The following SGCA variants were observed in gnomAD, a reference collection of about 807,000 sequenced individuals.
SGCA encodes the protein sarcoglycan alpha.
Under a neutral mutation model 38.1 loss-of-function variants are expected in SGCA, and 34 were observed. That is an observed-to-expected ratio of 0.89 (90% confidence interval 0.68 to 1.19). The LOEUF is 1.19. Among genes scored for constraint, SGCA ranks in the 50% most tolerant of loss-of-function variants. The pLI is 0.00. For missense variants in SGCA, 476 were observed against 524.9 expected, an observed-to-expected ratio of 0.91 and a Z score of 0.91; for synonymous variants, 209 against 214.6, an observed-to-expected ratio of 0.97 and a Z score of 0.23.
chr17:50,167,029 A>AC lies in SGCA; in HGVS notation c.38-332dup, dbSNP rs1163084157. Among the ~76,000 whole-genome samples, 10 of 102,742 alleles carry AC rather than the reference A, an allele frequency of 9.7e-5. No homozygotes were observed. Among genetic ancestry groups the AC allele is most frequent in the South Asian group, 3.4e-4 (1 of 2,920 alleles). The allele number at this position is 102,742 out of a possible 152,430, so 67.4% of individuals were successfully genotyped here. A position where few individuals can be genotyped will look rare whatever the true frequency, so the allele number is the denominator to read the frequency against. ...CCCTCACACATACCTTCACACACAC[A>AC]CCCCCCCACATCCCCTCACACACAC... is the stretch of plus-strand genomic sequence containing the variant. On this transcript the variant is annotated intron_variant, in intron 1 of 9. Coordinates refer to ENST00000262018, the MANE Select transcript of SGCA (RefSeq NM_000023.4). The surrounding 1 kb of genome is among the most constrained non-coding windows in gnomAD (Gnocchi z 4.5).
chr17:50,170,180 C>T lies in SGCA; in HGVS notation c.785C>T (p.Pro262Leu). The T allele has an allele frequency of 1.2e-6, 2 of 1,614,144 alleles. No homozygotes were observed. Among genetic ancestry groups the T allele is most frequent in the African/African-American group, 1.3e-5 (1 of 75,018 alleles). The change falls in exon 7 of 10, where the codon CCC becomes CTC. Residue 262 changes from proline to leucine, a missense_variant. Physicochemically the swap from Pro to Leu is moderately conservative, Grantham distance 98. Transcript: ENST00000262018. ...KSVPEPADEV[P>L]TPGDGILEHD... ...GTGCCGGAGCCTGCAGATGAGGTGC[C>T]CACCCCAGGTGATGGGATCCTGGAG...
At chr17:50,173,127 C>A (rs962465691) in intron 8 of SGCA, among the ~76,000 whole-genome samples, 1 of 152,230 alleles carries the variant, frequency 6.6e-6, no homozygotes, top group African/African-American at 2.4e-5. Flanking sequence ...AATCAATAAC[C>A]GTTTTACCAT....
chr17:50,172,333 G>A, intron 8 of SGCA: 1 of 451,406 alleles, frequency 2.2e-6, no homozygotes, highest in South Asian at 1.6e-5. Context: ...TTTCCTCCGG[G>A]GAGGGGTGGA....
rs954648869 is a variant in SGCA at position 50,175,607 on chromosome 17, G to A, written c.*13-105G>A. 5 of 728,908 alleles carry A rather than the reference G, an allele frequency of 6.9e-6. No homozygotes were observed. The Admixed American group carries it at 8.0e-5, about 12-fold the overall frequency. 45.2% of individuals were successfully genotyped at this position (728,908 alleles called of 1,614,324 possible). On this transcript the variant is annotated intron_variant, in intron 9 of 9. Transcript: ENST00000262018. ...CTGCTGGGGGTCCTCACCAGTGCCA[G>A]GGCTATGACCCCAATGCCAAGCACT... is the stretch of plus-strand genomic sequence containing the variant.
chr17:50,170,016 C>A (rs1905241410), intron 6 of SGCA, 127 bp from the exon 7 acceptor site: 1 of 772,528 alleles, frequency 1.3e-6, no homozygotes, highest in African/African-American at 1.7e-5. Context: ...GTGCGCTAAC[C>A]AGTGCACTGT....
intron 5 of SGCA, 73 bp from the exon 6 acceptor site, chr17:50,169,019 A>G (rs1905154939): frequency 6.9e-7 from 1 of 1,440,876 alleles, no homozygotes; most frequent in Non-Finnish European, 9.7e-7. Flanking sequence ...GAAAGTTTCA[A>G]CAACCCCTGG....
At chr17:50,171,845 C>T (rs1006687379) in intron 8 of SGCA, 8 of 456,644 alleles carry the variant, frequency 1.8e-5, no homozygotes, top group Non-Finnish European at 3.5e-5. Flanking sequence ...CTTGCAGGTC[C>T]CCTTGTCCGC....
intron 8 of SGCA, 30 bp from the exon 9 acceptor site, chr17:50,175,227 G>C: frequency 6.3e-7 from 1 of 1,577,154 alleles, no homozygotes. Flanking sequence ...CTGACTCCCA[G>C]AGCTGATGAC....
Position 50,166,781 on chromosome 17 carries a change from C to T in SGCA, c.38-587C>T, listed in dbSNP as rs1191697696. On this transcript the variant is annotated intron_variant, in intron 1 of 9. Transcript: ENST00000262018. ...CCCTCACACACACACCCTCACACACCCTCACACACCCTCACACACACACCC... is the reference window on the plus strand; with the variant it reads ...CCCTCACACACACACCCTCACACACTCTCACACACCCTCACACACACACCC... 1.6e-4 allele frequency among the ~76,000 whole-genome samples: 19 copies of T among 115,774 alleles called. 1 individual carries two copies. The South Asian group carries it at 4.4e-3, about 27-fold the overall frequency. 76.0% of individuals were successfully genotyped at this position (115,774 alleles called of 152,430 possible).
At chr17:50,174,503 G>A (rs933244073) in intron 8 of SGCA, among the ~76,000 whole-genome samples, 2 of 146,904 alleles carry the variant, frequency 1.4e-5, no homozygotes, top group Non-Finnish European at 3.0e-5. Context: ...AGTCCTAGGA[G>A]GTAGGTTTTG....
chr17:50,167,257 GCGCTTCTCTCGGTCCCTTAGGGGCTC>G lies in SGCA; in HGVS notation c.38-109_38-84del. 1 of 1,487,274 alleles carries G rather than the reference GCGCTTCTCTCGGTCCCTTAGGGGCTC, an allele frequency of 6.7e-7. No homozygotes were observed. Among genetic ancestry groups the G allele is most frequent in the Non-Finnish European group, 9.2e-7 (1 of 1,084,484 alleles). The allele number at this position is 1,487,274 out of a possible 1,614,324, so 92.1% of individuals were successfully genotyped here. A position where few individuals can be genotyped will look rare whatever the true frequency, so the allele number is the denominator to read the frequency against. ...CCCTTCCTGGGAGGCAGCAAAGGAA[GCGCTTCTCTCGGTCCCTTAGGGGCTC>G]CAAGGACTTGGTGGGGAAGGGAGCT... On this transcript the variant is annotated intron_variant, in intron 1 of 9. Transcript: ENST00000262018. The surrounding 1 kb of genome is among the most constrained non-coding windows in gnomAD (Gnocchi z 4.5).
At chr17:50,166,662 T>TCA (rs934008896) in intron 1 of SGCA, among the ~76,000 whole-genome samples, 9 of 148,118 alleles carry the variant, frequency 6.1e-5, no homozygotes, top group African/African-American at 1.0e-4. Context: ...ATACACACCC[T>TCA]CACACACACA....
rs556148302 is a variant in SGCA, at chr17:50,168,961, T to G, written c.585-131T>G. On this transcript the variant is annotated intron_variant, in intron 5 of 9. Transcript: ENST00000262018. ...GCCATGTTCCTCCCTTAATCCTCCC[T>G]CTTAGGCGTCTCCCTCATCCCATCC... The G allele has an allele frequency of 3.9e-4, 323 of 829,602 alleles. No homozygotes were observed. The African/African-American group carries it at 5.1e-3, about 13-fold the overall frequency. The allele number at this position is 829,602 out of a possible 1,614,324, so 51.4% of individuals were successfully genotyped here.
chr17:50,167,539 G>A lies in SGCA; in HGVS notation c.158-43G>A. On this transcript the variant is annotated intron_variant, in intron 2 of 9. Transcript: ENST00000262018. This position sits in a 1 kb window ranked among gnomAD's most constrained non-coding sequence, Gnocchi z 4.5. ...GGGCGGGCTGGGGTGTACCCCGCAG[G>A]GCTCCTGCTGTGACTCGAATCCCCT... 6.2e-7 allele frequency: 1 copy of A among 1,613,974 alleles called. No individual in the cohort carries two copies. Among genetic ancestry groups the A allele is most frequent in the Non-Finnish European group, 8.5e-7 (1 of 1,180,002 alleles).
At chr17:50,173,565 A>C (rs1050888227) in intron 8 of SGCA, among the ~76,000 whole-genome samples, 4 of 152,184 alleles carry the variant, frequency 2.6e-5, no homozygotes, top group African/African-American at 9.7e-5. Context: ...GTGTGTTGCC[A>C]GAGTAATGAG....
intron 4 of SGCA, 151 bp from the exon 5 acceptor site, chr17:50,168,223 C>T (rs987471394): frequency 1.2e-6 from 1 of 806,326 alleles, no homozygotes; most frequent in Non-Finnish European, 2.1e-6. Flanking sequence ...GTTGCAGAGA[C>T]TATTGGGACT....
intron 9 of SGCA, 91 bp downstream of exon 9, chr17:50,175,540 C>A: frequency 8.3e-7 from 1 of 1,210,130 alleles, no homozygotes; most frequent in Non-Finnish European, 1.2e-6. Flanking sequence ...TGGGAGAGGT[C>A]AGGGGAAGAG....
chr17:50,175,356 C>T lies in SGCA; in HGVS notation c.1083C>T (p.Pro361=), dbSNP rs763883513. ...TGCCCCGGCCACTCTCCACCCTGCC[C>T]ATGTTCAATGTGCACACAGGTGAGC... ...REVPRPLSTL[P]MFNVHTGERL... The change falls in exon 9 of 10, where the codon CCC becomes CCT. Residue 361 remains proline (P), a synonymous_variant. Coordinates refer to ENST00000262018, the MANE Select transcript of SGCA (RefSeq NM_000023.4). 1.4e-5 allele frequency: 23 copies of T among 1,612,654 alleles called. No individual in the cohort carries two copies. The highest frequency in any genetic ancestry group is 1.9e-5 in the Non-Finnish European group (23 of 1,179,928).
At position 50,167,767 on chromosome 17, in the gene SGCA, G is replaced by T. The variant is rs747828491; in HGVS notation, c.312+31G>T. The T allele has an allele frequency of 5.7e-5, 91 of 1,600,696 alleles. No homozygotes were observed. Among genetic ancestry groups the T allele is most frequent in the Non-Finnish European group, 4.4e-5 (52 of 1,171,814 alleles). Reference sequence around the variant, plus strand: ...GTCAGGGACCCTGAGAAAATCACAGGGGTGGGCCAGAGTGGCCTCCTAGGA... The same window carrying T: ...GTCAGGGACCCTGAGAAAATCACAGTGGTGGGCCAGAGTGGCCTCCTAGGA... On this transcript the variant is annotated intron_variant, in intron 3 of 9. Transcript: ENST00000262018. The surrounding 1 kb of genome is among the most constrained non-coding windows in gnomAD (Gnocchi z 4.5).
Sources: gnomAD v4.1 joint callset for allele counts (sites outside exome capture counted in the v4.1 genomes callset) on GRCh38, gnomAD v4.1.1 for gene constraint, Gnocchi (gnomAD v3.1) non-coding constraint, MANE v1.5 for transcripts, NCBI Gene and HGNC (gene_info 2026-07-23, HGNC 2026-07-21) for gene names.